TBC1D8: variants seen among roughly 807,000 people sequenced by gnomAD.
TBC1D8 encodes the protein TBC1 domain family member 8.
Under a neutral mutation model 118.8 loss-of-function variants are expected in TBC1D8, and 65 were observed. That is an observed-to-expected ratio of 0.55 (90% CI 0.45 to 0.67). TBC1D8 has a LOEUF of 0.67. Among genes scored for constraint, TBC1D8 ranks in the 30% least tolerant of loss-of-function variants. The pLI is 0.00. For synonymous variants in TBC1D8, 566 were observed against 595.8 expected (o/e 0.95, Z 0.73); for missense variants, 1,376 against 1,471.2 (o/e 0.94, Z 1.06).
intron 4 of TBC1D8, 90 bp from the exon 5 acceptor site, chr2:101,050,731 T>C: frequency 6.7e-7 from 1 of 1,500,832 alleles, no homozygotes. Flanking sequence ...AAGCTCTCCT[T>C]AGGCCGATGT....
intron 17 of TBC1D8, among the ~76,000 whole-genome samples, chr2:101,015,067 C>T (rs1679515588): frequency 1.3e-5 from 2 of 152,166 alleles, no homozygotes; most frequent in South Asian, 2.1e-4. Context: ...TGGACTTACA[C>T]GAACCTAGAT....
At chr2:101,088,650 C>T (rs182615360) in intron 2 of TBC1D8, among the ~76,000 whole-genome samples, 116 of 152,184 alleles carry the variant, frequency 7.6e-4, no homozygotes, top group Non-Finnish European at 1.4e-3. Flanking sequence ...CACCATCATA[C>T]CTCACTGCAG....
intron 1 of TBC1D8, among the ~76,000 whole-genome samples, chr2:101,128,501 G>A (rs1678447673): frequency 6.6e-6 from 1 of 152,150 alleles, no homozygotes; most frequent in South Asian, 2.1e-4. Context: ...CAGAGGCCAG[G>A]AGAGACAAAG....
At chr2:101,109,916 G>A in intron 1 of TBC1D8, 1 of 985,476 alleles carries the variant, frequency 1.0e-6, no homozygotes, top group Non-Finnish European at 1.2e-6. Context: ...CCAGGAATGA[G>A]GCCCCACTCA....
intron 17 of TBC1D8, among the ~76,000 whole-genome samples, chr2:101,012,331 A>G (rs547339340): frequency 1.3e-5 from 2 of 152,360 alleles, no homozygotes; most frequent in Admixed American, 1.3e-4. Context: ...TAAACAAATC[A>G]TGGCATACCC....
At chr2:101,107,113 G>C (rs1362582037) in intron 1 of TBC1D8, among the ~76,000 whole-genome samples, 3 of 152,174 alleles carry the variant, frequency 2.0e-5, no homozygotes, top group Admixed American at 1.3e-4. Context: ...ATGGCAGAGC[G>C]TGAGAGCCAG....
At chr2:101,048,669 G>GGA (rs1681857973) in intron 5 of TBC1D8, among the ~76,000 whole-genome samples, 1 of 108,680 alleles carries the variant, frequency 9.2e-6, no homozygotes, top group Non-Finnish European at 2.0e-5. Flanking sequence ...GCCATGAATG[G>GGA]ACACTCTCTC....
At position 101,008,047 on chromosome 2, in the gene TBC1D8, G is replaced by A. The variant is rs201882166; in HGVS notation, c.3242C>T (p.Thr1081Met). Reference protein sequence around the residue: ...EDSVFADTGKTPQDSQAFPEA... With the variant: ...EDSVFADTGKMPQDSQAFPEA... ...TGGAAATGCCTGGGAGTCCTGGGGCGTCTTCCCAGTGTCTGCAAAAACCGA... is the reference window on the plus strand; with the variant it reads ...TGGAAATGCCTGGGAGTCCTGGGGCATCTTCCCAGTGTCTGCAAAAACCGA... The change falls in exon 20 of 20, where the codon ACG becomes ATG. Residue 1081 changes from threonine to methionine, a missense_variant. Thr to Met is a moderately conservative substitution (Grantham distance 81, BLOSUM62 -1). Coordinates refer to ENST00000409318, the MANE Select transcript of TBC1D8 (RefSeq NM_001330348.2). 156 of 1,613,956 alleles carry A rather than the reference G, an allele frequency of 9.7e-5. No homozygotes were observed. The African/African-American group carries it at 1.6e-3, about 16-fold the overall frequency.
chr2:101,055,602 G>GT (rs1682376133), intron 3 of TBC1D8, among the ~76,000 whole-genome samples: 1 of 152,170 alleles, frequency 6.6e-6, no homozygotes, highest in Admixed American at 6.5e-5. Context: ...CCAAAACTGA[G>GT]TAACAAGTAG....
rs200459400 is a variant in TBC1D8 at position 101,028,284 on chromosome 2, G to C, written c.2352+19C>G. ...GGGTTAGGGGCTGCAACGGGGCATG[G>C]GGCGGGGGTTCCCGTTACCTCATAG... On this transcript the variant is annotated intron_variant, in intron 13 of 19. Transcript: ENST00000409318. 7.6e-5 allele frequency: 122 copies of C among 1,604,946 alleles called. No individual in the cohort carries two copies. The African/African-American group carries it at 1.3e-3, about 18-fold the overall frequency.
intron 1 of TBC1D8, among the ~76,000 whole-genome samples, chr2:101,138,288 T>C (rs1299967564): frequency 1.3e-5 from 2 of 152,060 alleles, no homozygotes; most frequent in African/African-American, 4.8e-5. Flanking sequence ...ATTAGTTAAT[T>C]GTTTTGGTGG....
At chr2:101,065,728 TAA>T (rs1163077886) in intron 2 of TBC1D8, among the ~76,000 whole-genome samples, 1 of 152,206 alleles carries the variant, frequency 6.6e-6, no homozygotes, top group Non-Finnish European at 1.5e-5. Context: ...CAAGTGAAAT[TAA>T]AGAGTCCTAA....
intron 1 of TBC1D8, among the ~76,000 whole-genome samples, chr2:101,128,844 G>A (rs1320108813): frequency 1.3e-5 from 2 of 152,122 alleles, no homozygotes; most frequent in Non-Finnish European, 2.9e-5. Context: ...GACAAATACC[G>A]TGTGATTCTA....
intron 2 of TBC1D8, among the ~76,000 whole-genome samples, chr2:101,067,858 T>C (rs1243864615): frequency 6.6e-6 from 1 of 152,236 alleles, no homozygotes. Context: ...GAGTCAATTC[T>C]CTCAAACTGC....
At chr2:101,060,023 T>C (rs1410707602) in intron 2 of TBC1D8, among the ~76,000 whole-genome samples, 1 of 152,086 alleles carries the variant, frequency 6.6e-6, no homozygotes, top group Non-Finnish European at 1.5e-5. Flanking sequence ...GCCGTGGTGC[T>C]CCTCCCTGCA....
At chr2:101,043,894 C>G (rs926077813) in intron 5 of TBC1D8, among the ~76,000 whole-genome samples, 2 of 151,966 alleles carry the variant, frequency 1.3e-5, no homozygotes, top group African/African-American at 4.8e-5. Flanking sequence ...GAGCTGAGAT[C>G]GTGCCATTGC....
chr2:101,025,517 T>TA (rs1680289245), intron 15 of TBC1D8, among the ~76,000 whole-genome samples: 1 of 152,220 alleles, frequency 6.6e-6, no homozygotes, highest in Non-Finnish European at 1.5e-5. Context: ...TGCACCCAGC[T>TA]ACTTTCCTTT....
chr2:101,125,901 C>G (rs905603330), intron 1 of TBC1D8, among the ~76,000 whole-genome samples: 2 of 152,194 alleles, frequency 1.3e-5, no homozygotes, highest in Non-Finnish European at 2.9e-5. Context: ...ATTAGCATTA[C>G]CAGAGAGTAA....
chr2:101,126,607 C>G (rs758135469), intron 1 of TBC1D8, among the ~76,000 whole-genome samples: 3 of 152,088 alleles, frequency 2.0e-5, no homozygotes, highest in African/African-American at 7.2e-5. Context: ...GATAGATATA[C>G]AGAGAGAGGT....
Sources: allele counts gnomAD v4.1 joint callset (sites outside exome capture counted in the v4.1 genomes callset), GRCh38; gene constraint gnomAD v4.1.1; transcripts MANE v1.5; gene names NCBI Gene and HGNC (gene_info 2026-07-23, HGNC 2026-07-21).